LGR4: variants seen among roughly 807,000 people sequenced by gnomAD.
LGR4 encodes leucine-rich repeat-containing G protein-coupled receptor 4.
LGR4 carries 44 observed loss-of-function variants against 84.8 expected under a neutral mutation model. That is an observed-to-expected ratio of 0.52 (90% CI 0.41 to 0.67). The LOEUF is 0.67. Ranked by LOEUF, LGR4 falls within the 30% of genes least tolerant of loss-of-function variation. The pLI, the probability that LGR4 is intolerant of heterozygous loss-of-function variation, is 0.00. For missense variants in LGR4, 1,032 were observed against 1,131.4 expected (o/e 0.91, Z 1.26); for synonymous variants, 429 against 434.3 (o/e 0.99, Z 0.15).
rs559876621 is a variant in LGR4 at position 27,424,669 on chromosome 11, G to A, written c.186-11809C>T. Among the ~76,000 whole-genome samples, 3 of 152,312 alleles carry A rather than the reference G, an allele frequency of 2.0e-5. No homozygotes were observed. In the East Asian group the frequency reaches 5.8e-4, roughly 29 times the overall value. On this transcript the variant is annotated intron_variant, in intron 1 of 17. Transcript: ENST00000379214. ...ATCACAGAGGGAGCCCATGACAGTA[G>A]AAGCCCCATCGCCGTGGATGCTCAG...
intron 2 of LGR4, among the ~76,000 whole-genome samples, chr11:27,398,194 G>A (rs904412777): frequency 2.0e-5 from 3 of 152,198 alleles, no homozygotes; most frequent in African/African-American, 7.2e-5. Flanking sequence ...TCCAGCAGGG[G>A]GAAAATGCAG....
At chr11:27,454,945 A>C (rs1864546257) in intron 1 of LGR4, among the ~76,000 whole-genome samples, 1 of 152,234 alleles carries the variant, frequency 6.6e-6, no homozygotes, top group Non-Finnish European at 1.5e-5. Context: ...CAAAAGTCTT[A>C]CTAAATGTTA....
At chr11:27,462,695 C>T (rs916515433) in intron 1 of LGR4, among the ~76,000 whole-genome samples, 3 of 152,018 alleles carry the variant, frequency 2.0e-5, no homozygotes, top group Middle Eastern at 3.2e-3. Context: ...CATTCTCACT[C>T]GGCGTCACTC....
At chr11:27,465,353 G>C (rs1228030476) in intron 1 of LGR4, among the ~76,000 whole-genome samples, 1 of 152,182 alleles carries the variant, frequency 6.6e-6, no homozygotes, top group East Asian at 1.9e-4. Context: ...TCTTGTGGTT[G>C]GGGGAAGACC....
intron 1 of LGR4, among the ~76,000 whole-genome samples, chr11:27,428,281 C>T (rs369216707): frequency 1.3e-5 from 2 of 151,992 alleles, no homozygotes; most frequent in Non-Finnish European, 2.9e-5. Flanking sequence ...GGATTACAGG[C>T]ATCCACCACC....
At chr11:27,378,826 T>C in intron 10 of LGR4, 58 bp from the exon 11 acceptor site, 1 of 1,188,730 alleles carries the variant, frequency 8.4e-7, no homozygotes. Flanking sequence ...TAAGCAAAAT[T>C]TATTCCCATA....
chr11:27,436,891 C>T (rs1011234030), intron 1 of LGR4, among the ~76,000 whole-genome samples: 1 of 151,946 alleles, frequency 6.6e-6, no homozygotes, highest in Admixed American at 6.6e-5. Context: ...AGTCTTTGCA[C>T]TGCATTGCGG....
chr11:27,465,674 T>TA (rs1864764156), intron 1 of LGR4, among the ~76,000 whole-genome samples: 1 of 152,222 alleles, frequency 6.6e-6, no homozygotes, highest in Admixed American at 6.5e-5. Context: ...GTACATGAGC[T>TA]AAAAAATCAC....
intron 2 of LGR4, among the ~76,000 whole-genome samples, chr11:27,400,398 C>T (rs977666430): frequency 1.3e-5 from 2 of 151,930 alleles, no homozygotes; most frequent in African/African-American, 2.4e-5. Flanking sequence ...GTGCCTTCTC[C>T]AAAGACCTAC....
intron 2 of LGR4, among the ~76,000 whole-genome samples, chr11:27,400,112 T>C (rs923433424): frequency 2.0e-5 from 3 of 152,206 alleles, no homozygotes; most frequent in Non-Finnish European, 2.9e-5. Flanking sequence ...TTTTTGAGTG[T>C]TGACATGCAT....
At chr11:27,438,613 A>C (rs1279750520) in intron 1 of LGR4, among the ~76,000 whole-genome samples, 1 of 152,216 alleles carries the variant, frequency 6.6e-6, no homozygotes, top group Non-Finnish European at 1.5e-5. Flanking sequence ...CATTGTAATC[A>C]GTAAACTGAG....
intron 1 of LGR4, among the ~76,000 whole-genome samples, chr11:27,450,260 A>T (rs1031757833): frequency 6.6e-6 from 1 of 152,256 alleles, no homozygotes; most frequent in Non-Finnish European, 1.5e-5. Context: ...AAAAAGCAAC[A>T]TTCAACAAGC....
intron 2 of LGR4, among the ~76,000 whole-genome samples, chr11:27,402,553 T>C (rs1863523929): frequency 6.6e-6 from 1 of 152,178 alleles, no homozygotes; most frequent in Non-Finnish European, 1.5e-5. Flanking sequence ...TTTTGTCACT[T>C]GCTGCCAAAA....
chr11:27,367,913 A>T lies in LGR4; in HGVS notation c.2810T>A (p.Phe937Tyr), dbSNP rs1247034391. 5.6e-6 allele frequency: 9 copies of T among 1,607,140 alleles called. No homozygotes were observed. The highest frequency in any genetic ancestry group is 1.7e-5 in the Admixed American group (1 of 58,000). The change falls in exon 18 of 18, where the codon TTC becomes TAC. Residue 937 changes from phenylalanine to tyrosine, a missense_variant. Coordinates refer to ENST00000379214, the MANE Select transcript of LGR4 (RefSeq NM_018490.5). ...ATTGTAAGCATAGCGCACCAAAGGG[A>T]ATCCTCTACTCTGGTAGAAGCAGGC... is the stretch of plus-strand genomic sequence containing the variant. Reference protein sequence around the residue: ...GRACFYQSRGFPLVRYAYNLP... With the variant: ...GRACFYQSRGYPLVRYAYNLP...
At chr11:27,383,778 T>C (rs1168221954) in intron 6 of LGR4, among the ~76,000 whole-genome samples, 3 of 152,220 alleles carry the variant, frequency 2.0e-5, no homozygotes, top group African/African-American at 7.2e-5. Context: ...ATAAATATCC[T>C]ATTCTCAATT....
intron 1 of LGR4, among the ~76,000 whole-genome samples, chr11:27,464,661 A>G (rs1167959405): frequency 1.3e-5 from 2 of 152,210 alleles, no homozygotes; most frequent in African/African-American, 2.4e-5. Flanking sequence ...TATGCCTAGT[A>G]CAGCTCCAAG....
In LGR4 at chr11:27,472,349, T is replaced by C. The variant is rs1053775189; in HGVS notation, c.-47A>G. 5.1e-6 allele frequency: 6 copies of C among 1,177,280 alleles called. No individual in the cohort carries two copies. In the African/African-American group the frequency reaches 6.4e-5, roughly 13 times the overall value. The allele number at this position is 1,177,280 out of a possible 1,614,324, so 72.9% of individuals were successfully genotyped here. ...CGGCCTCTCCCGCGGCGCTGCTCGCTCCGCTGCCCTCCGATGTCCCCCGCC... is the reference window on the plus strand; with the variant it reads ...CGGCCTCTCCCGCGGCGCTGCTCGCCCCGCTGCCCTCCGATGTCCCCCGCC... On this transcript the variant is annotated 5_prime_UTR_variant, in exon 1 of 18. Coordinates refer to ENST00000379214, the MANE Select transcript of LGR4 (RefSeq NM_018490.5).
At position 27,380,938 on chromosome 11, in the gene LGR4, TA is replaced by T; in HGVS notation, c.786del (p.Ile263SerfsTer12). On this transcript the variant is annotated frameshift_variant, in exon 8 of 18. Transcript: ENST00000379214. LOFTEE classifies it high-confidence loss of function. ...TTACCATCAAATGCTCCATCAGGGA[TA>T]ACAGAAATAGAATTACTATGAAATC... The part of the protein sequence containing the change: ...ELGFHSNSIS[V>X]IPDGAFDGNP... 6.4e-7 allele frequency: 1 copy of T among 1,551,370 alleles called. No homozygotes were observed. Among genetic ancestry groups the T allele is most frequent in the Non-Finnish European group, 8.9e-7 (1 of 1,123,438 alleles).
intron 2 of LGR4, among the ~76,000 whole-genome samples, chr11:27,401,774 G>A (rs1863508884): frequency 6.6e-6 from 1 of 152,136 alleles, no homozygotes; most frequent in African/African-American, 2.4e-5. Flanking sequence ...TCAATTTCAA[G>A]TTCAAGAATG....
Sources: allele counts gnomAD v4.1 joint callset (sites outside exome capture counted in the v4.1 genomes callset), GRCh38; gene constraint gnomAD v4.1.1; transcripts MANE v1.5; gene names NCBI Gene and HGNC (gene_info 2026-07-23, HGNC 2026-07-21).